SLBP: variants seen among roughly 807,000 people sequenced by gnomAD.
The protein encoded by SLBP is histone RNA hairpin-binding protein.
Under a neutral mutation model 39.2 loss-of-function variants are expected in SLBP, and 29 were observed. That is an observed-to-expected ratio of 0.74 (90% CI 0.55 to 1.01). SLBP has a LOEUF of 1.01. SLBP is among the 50% of genes least tolerant of loss of function. The pLI is 0.00. For synonymous variants in SLBP, 129 were observed against 118.7 expected, an observed-to-expected ratio of 1.09 and a Z score of -0.57; for missense variants, 390 against 350.2, an observed-to-expected ratio of 1.11 and a Z score of -0.91.
chr4:1,711,228 T>C (rs1716756077), intron 2 of SLBP, among the ~76,000 whole-genome samples: 1 of 151,564 alleles, frequency 6.6e-6, no homozygotes, highest in Admixed American at 6.6e-5. Context: ...CAGAAGCCTA[T>C]CCCGAACCAC....
intron 2 of SLBP, among the ~76,000 whole-genome samples, chr4:1,706,648 T>C (rs1013428578): frequency 6.6e-6 from 1 of 151,780 alleles, no homozygotes; most frequent in Non-Finnish European, 1.5e-5. Flanking sequence ...TCTACCAAAA[T>C]ACAAAAACTT....
chr4:1,710,778 G>T (rs1446109492), intron 2 of SLBP, among the ~76,000 whole-genome samples: 3 of 151,790 alleles, frequency 2.0e-5, no homozygotes, highest in Non-Finnish European at 2.9e-5. Context: ...GGCCGGGCGC[G>T]GTGGCTCACA....
At chr4:1,704,384 C>G (rs1022496496) in intron 2 of SLBP, among the ~76,000 whole-genome samples, 13 of 152,126 alleles carry the variant, frequency 8.5e-5, no homozygotes, top group African/African-American at 2.9e-4. Context: ...ATGAAGTTGA[C>G]TCTAAGAAGT....
At chr4:1,708,645 T>C (rs1716614813) in intron 2 of SLBP, among the ~76,000 whole-genome samples, 1 of 152,240 alleles carries the variant, frequency 6.6e-6, no homozygotes, top group African/African-American at 2.4e-5. Context: ...ATATACTACA[T>C]GCCATATTTT....
chr4:1,700,195 CA>C, intron 3 of SLBP, 125 bp from the exon 4 acceptor site: 4 of 499,832 alleles, frequency 8.0e-6, no homozygotes, highest in Non-Finnish European at 1.4e-5. Flanking sequence ...CTCCGTGGGC[CA>C]AAAGAAATCT....
chr4:1,707,735 G>C (rs798740), intron 2 of SLBP, among the ~76,000 whole-genome samples: 2 of 151,454 alleles, frequency 1.3e-5, no homozygotes, highest in South Asian at 4.2e-4. Context: ...TCACAAGATC[G>C]GGAGTTTGAG....
chr4:1,695,432 C>A (rs1014474435), intron 6 of SLBP, among the ~76,000 whole-genome samples: 4 of 152,172 alleles, frequency 2.6e-5, no homozygotes, highest in African/African-American at 9.7e-5. Flanking sequence ...ATTCTCTCTA[C>A]CTTCCTGGTC....
intron 2 of SLBP, among the ~76,000 whole-genome samples, chr4:1,708,785 C>T (rs1289921755): frequency 1.3e-5 from 2 of 152,204 alleles, no homozygotes; most frequent in Non-Finnish European, 2.9e-5. Flanking sequence ...TCTTATCCAT[C>T]AACGAGCTGG....
chr4:1,694,847 A>C lies in SLBP; in HGVS notation c.630-7T>G, dbSNP rs1173517695. ...TTCAAGGTCTACAGGGTGTCTGTTA[A>C]ACAAGATCCAACATGTGCGTCAGGC... On this transcript the variant is annotated splice_region_variant and splice_polypyrimidine_tract_variant and intron_variant, in intron 6 of 7. Transcript: ENST00000489418. 1.2e-6 allele frequency: 2 copies of C among 1,604,556 alleles called. No individual in the cohort carries two copies. The highest frequency in any genetic ancestry group is 1.7e-6 in the Non-Finnish European group (2 of 1,171,312).
chr4:1,702,418 G>A (rs1294153678), intron 3 of SLBP, among the ~76,000 whole-genome samples: 2 of 152,178 alleles, frequency 1.3e-5, no homozygotes, highest in South Asian at 2.1e-4. Context: ...AAAGGAGGCT[G>A]ATATAAATAC....
intron 2 of SLBP, among the ~76,000 whole-genome samples, chr4:1,706,698 A>G (rs1370743387): frequency 6.6e-6 from 1 of 152,044 alleles, no homozygotes; most frequent in Non-Finnish European, 1.5e-5. Flanking sequence ...CCCAGCTACT[A>G]GGGAGGCTGA....
At chr4:1,698,013 G>A (rs1162400484) in intron 5 of SLBP, among the ~76,000 whole-genome samples, 1 of 151,920 alleles carries the variant, frequency 6.6e-6, no homozygotes, top group East Asian at 1.9e-4. Context: ...GCTGGTCCCA[G>A]CTACTCAGGA....
chr4:1,703,236 A>AG (rs1716394289), intron 3 of SLBP, among the ~76,000 whole-genome samples: 1 of 22,494 alleles, frequency 4.4e-5, no homozygotes, highest in Non-Finnish European at 1.0e-4. Flanking sequence ...GACTGTCTCA[A>AG]AAAAAAAAAA....
intron 6 of SLBP, 59 bp downstream of exon 6, chr4:1,696,143 C>T: frequency 7.0e-7 from 1 of 1,423,960 alleles, no homozygotes; most frequent in Non-Finnish European, 9.5e-7. Context: ...TGGTGCGCAG[C>T]TGCTCCAGTC....
intron 7 of SLBP, among the ~76,000 whole-genome samples, 191 bp from the exon 8 acceptor site, chr4:1,693,904 C>A (rs1289951402): frequency 6.6e-6 from 1 of 152,184 alleles, no homozygotes; most frequent in African/African-American, 2.4e-5. Context: ...TTACAAGACA[C>A]TGACGTTTAG....
At chr4:1,703,822 T>G (rs1716420212) in intron 2 of SLBP, 122 bp from the exon 3 acceptor site, 1 of 733,096 alleles carries the variant, frequency 1.4e-6, no homozygotes, top group Non-Finnish European at 2.4e-6. Flanking sequence ...TACCAGCACT[T>G]TGGAAACTGA....
intron 2 of SLBP, among the ~76,000 whole-genome samples, chr4:1,709,642 C>G (rs1241397851): frequency 2.0e-5 from 3 of 147,828 alleles, no homozygotes; most frequent in Non-Finnish European, 4.5e-5. Context: ...GACGGAGTCT[C>G]GCTCTATTGC....
intron 2 of SLBP, among the ~76,000 whole-genome samples, chr4:1,710,561 G>A (rs1435256759): frequency 1.3e-5 from 2 of 152,156 alleles, no homozygotes; most frequent in South Asian, 2.1e-4. Context: ...TGACTGTCAG[G>A]GCTTCAATAT....
intron 3 of SLBP, 67 bp downstream of exon 3, chr4:1,703,529 A>G: frequency 4.0e-6 from 4 of 994,056 alleles, no homozygotes; most frequent in East Asian, 2.4e-5. Context: ...TCTAAGACAA[A>G]TATCAAATTT....
Sources: gnomAD v4.1 joint callset for allele counts (sites outside exome capture counted in the v4.1 genomes callset) on GRCh38, gnomAD v4.1.1 for gene constraint, MANE v1.5 for transcripts, NCBI Gene and HGNC (gene_info 2026-07-23, HGNC 2026-07-21) for gene names.